The following IGSF21 variants were observed in gnomAD, a reference collection of about 807,000 sequenced individuals.
IGSF21 encodes immunoglobin superfamily member 21.
IGSF21 carries 28 observed loss-of-function variants against 46.8 expected under a neutral mutation model. The ratio of observed to expected loss-of-function variants is 0.60; its 90% CI spans 0.44 to 0.82. The LOEUF (loss-of-function observed/expected upper bound fraction) is 0.82, where lower values mean the gene tolerates loss of function less well. Among genes scored for constraint, IGSF21 ranks in the 40% least tolerant of loss-of-function variants. The probability of loss-of-function intolerance (pLI) is 0.00; values close to 1 mark genes in which losing one functional copy is unlikely to be tolerated. For missense variants in IGSF21, 624 were observed against 665.5 expected, an observed-to-expected ratio of 0.94 and a Z score of 0.69; for synonymous variants, 284 against 273.6, an observed-to-expected ratio of 1.04 and a Z score of -0.38.
chr1:18,159,489 C>T (rs867956112), intron 1 of IGSF21, among the ~76,000 whole-genome samples: 2 of 152,136 alleles, frequency 1.3e-5, no homozygotes, highest in South Asian at 2.1e-4. Flanking sequence ...ATACTGTTCT[C>T]GTGGTAGTGA....
intron 1 of IGSF21, among the ~76,000 whole-genome samples, chr1:18,154,255 G>A (rs919027194): frequency 6.6e-6 from 1 of 152,156 alleles, no homozygotes; most frequent in Non-Finnish European, 1.5e-5. Flanking sequence ...CCTTACAGGG[G>A]ACTTGGATGG....
intron 1 of IGSF21, 69 bp from the exon 2 acceptor site, chr1:18,227,829 C>A: frequency 8.9e-7 from 1 of 1,129,228 alleles, no homozygotes; most frequent in Non-Finnish European, 1.3e-6. Context: ...CTCCCTGGCC[C>A]TGCCCTCATC....
chr1:18,204,179 C>T (rs913347386), intron 1 of IGSF21, among the ~76,000 whole-genome samples: 1 of 152,182 alleles, frequency 6.6e-6, no homozygotes, highest in African/African-American at 2.4e-5. Context: ...CTCATAAGCT[C>T]CTCTGACCCC....
intron 1 of IGSF21, among the ~76,000 whole-genome samples, chr1:18,126,614 C>T (rs1416429852): frequency 6.6e-6 from 1 of 152,172 alleles, no homozygotes; most frequent in African/African-American, 2.4e-5. Flanking sequence ...GTGGCTCCTC[C>T]ACCCCAAGCC....
At chr1:18,265,669 C>A (rs993019483) in intron 2 of IGSF21, among the ~76,000 whole-genome samples, 3 of 152,218 alleles carry the variant, frequency 2.0e-5, no homozygotes, top group Non-Finnish European at 4.4e-5. Flanking sequence ...GAAGGGACAG[C>A]GTCCTCCCTG....
At chr1:18,121,694 A>T (rs1275171116) in intron 1 of IGSF21, among the ~76,000 whole-genome samples, 2 of 152,130 alleles carry the variant, frequency 1.3e-5, no homozygotes, top group Non-Finnish European at 2.9e-5. Context: ...GGTCCATCTC[A>T]GCCATTCCTA....
At chr1:18,168,070 A>G (rs1487398055) in intron 1 of IGSF21, among the ~76,000 whole-genome samples, 1 of 151,796 alleles carries the variant, frequency 6.6e-6, no homozygotes, top group African/African-American at 2.4e-5. Context: ...CAGGGGCTGG[A>G]CAGGACCTTG....
chr1:18,367,481 C>T (rs957940617), intron 6 of IGSF21, among the ~76,000 whole-genome samples: 1 of 151,986 alleles, frequency 6.6e-6, no homozygotes, highest in Admixed American at 6.6e-5. Context: ...TTGGTGCCTT[C>T]TTCACTCACT....
chr1:18,111,364 G>T (rs2086143742), intron 1 of IGSF21: 1 of 152,224 alleles, frequency 6.6e-6, no homozygotes. Flanking sequence ...GAATATTCGA[G>T]CTGGAGCGAC....
At chr1:18,223,020 C>A (rs144071128) in intron 1 of IGSF21, among the ~76,000 whole-genome samples, 72 of 152,302 alleles carry the variant, frequency 4.7e-4, no homozygotes, top group African/African-American at 1.7e-3. Context: ...TCACCCCAGC[C>A]AGAGAGCCCA....
intron 6 of IGSF21, among the ~76,000 whole-genome samples, chr1:18,369,525 C>T (rs882917): frequency 0.22 from 32,994 of 152,170 alleles, 4,268 homozygotes; most frequent in Non-Finnish European, 0.29. Flanking sequence ...CCTGTCAGGG[C>T]TGTGGTGAGA....
At chr1:18,343,378 T>TC (rs1468547261) in intron 4 of IGSF21, among the ~76,000 whole-genome samples, 1 of 152,188 alleles carries the variant, frequency 6.6e-6, no homozygotes, top group East Asian at 1.9e-4. Flanking sequence ...TGCATATTTT[T>TC]CTCCCATTGT....
At chr1:18,202,973 G>A (rs1288432749) in intron 1 of IGSF21, among the ~76,000 whole-genome samples, 3 of 152,104 alleles carry the variant, frequency 2.0e-5, no homozygotes, top group African/African-American at 7.2e-5. Context: ...TTTGGGTGAG[G>A]GACACCATTC....
At chr1:18,153,816 C>T (rs747196124) in intron 1 of IGSF21, among the ~76,000 whole-genome samples, 2 of 152,154 alleles carry the variant, frequency 1.3e-5, no homozygotes, top group African/African-American at 4.8e-5. Flanking sequence ...CCCCACGCAG[C>T]GTCTGCGAAT....
chr1:18,258,347 G>A (rs760397219), intron 2 of IGSF21, among the ~76,000 whole-genome samples: 4 of 152,188 alleles, frequency 2.6e-5, no homozygotes, highest in Admixed American at 1.3e-4. Context: ...TGTCCCAGAG[G>A]CAAGAGAAGG....
chr1:18,190,757 C>T (rs952152495), intron 1 of IGSF21, among the ~76,000 whole-genome samples: 1 of 152,146 alleles, frequency 6.6e-6, no homozygotes, highest in African/African-American at 2.4e-5. Flanking sequence ...CAGCTGTTAT[C>T]GGGGATTTGT....
At chr1:18,178,671 T>A (rs1187031008) in intron 1 of IGSF21, among the ~76,000 whole-genome samples, 1 of 152,158 alleles carries the variant, frequency 6.6e-6, no homozygotes, top group Non-Finnish European at 1.5e-5. Context: ...CAGTGCCCCT[T>A]CCTGCCAGCT....
At chr1:18,287,114 G>A (rs973552299) in intron 2 of IGSF21, among the ~76,000 whole-genome samples, 23 of 149,964 alleles carry the variant, frequency 1.5e-4, no homozygotes, top group Non-Finnish European at 5.9e-5. Flanking sequence ...CCGGGAGGCG[G>A]AGCTTGCAGT....
At chr1:18,282,809 T>C (rs1224543944) in intron 2 of IGSF21, among the ~76,000 whole-genome samples, 2 of 152,174 alleles carry the variant, frequency 1.3e-5, no homozygotes, top group South Asian at 2.1e-4. Context: ...TACACTCTCT[T>C]ACACTCCCTG....
Sources: allele counts gnomAD v4.1 joint callset (sites outside exome capture counted in the v4.1 genomes callset), GRCh38; gene constraint gnomAD v4.1.1; transcripts MANE v1.5; gene names NCBI Gene and HGNC (gene_info 2026-07-23, HGNC 2026-07-21).